HEMK2: variants seen among roughly 807,000 people sequenced by gnomAD.
The protein encoded by HEMK2 is HemK methyltransferase 2, ETF1 glutamine and histone H4 lysine, also known as methyltransferase HEMK2.
the HEMK2 span, among the ~76,000 whole-genome samples, chr21:28,862,645 C>CA: frequency 3.6e-3 from 366 of 100,402 alleles, 12 homozygotes; most frequent in Admixed American, 6.5e-3. Flanking sequence ...GACTCCGTCT[C>CA]AAAAAAAAAA....
At chr21:28,670,897 C>T in the HEMK2 span, 1 of 152,196 alleles carries the variant, frequency 6.6e-6, no homozygotes. Context: ...AGGAACCACC[C>T]TCATGATCCA....
chr21:28,797,466 C>CA, the HEMK2 span, among the ~76,000 whole-genome samples: 3 of 114,904 alleles, frequency 2.6e-5, no homozygotes, highest in Admixed American at 1.8e-4. Flanking sequence ...AAAAAACAAA[C>CA]AAAAAAACAA....
chr21:28,776,613 G>A, the HEMK2 span, among the ~76,000 whole-genome samples: 495 of 152,342 alleles, frequency 3.2e-3, 4 homozygotes, highest in African/African-American at 0.011. Context: ...CCATCTGCAA[G>A]CTGAGGAGAA....
the HEMK2 span, among the ~76,000 whole-genome samples, chr21:28,824,411 G>T: frequency 6.6e-6 from 1 of 152,176 alleles, no homozygotes; most frequent in African/African-American, 2.4e-5. Context: ...AAGTGTGTGT[G>T]TATGAGTTTG....
At chr21:28,798,680 AAT>A in the HEMK2 span, among the ~76,000 whole-genome samples, 1 of 152,160 alleles carries the variant, frequency 6.6e-6, no homozygotes, top group East Asian at 1.9e-4. Flanking sequence ...GCTGTCAATT[AAT>A]AGAGATGAAT....
the HEMK2 span, among the ~76,000 whole-genome samples, chr21:28,828,622 C>T: frequency 6.6e-6 from 1 of 152,188 alleles, no homozygotes; most frequent in South Asian, 2.1e-4. Flanking sequence ...GCTTAGGTAG[C>T]CCTTCGACTG....
At chr21:28,692,829 A>G in the HEMK2 span, among the ~76,000 whole-genome samples, 1 of 152,224 alleles carries the variant, frequency 6.6e-6, no homozygotes, top group Non-Finnish European at 1.5e-5. Flanking sequence ...AATAAAATGG[A>G]AAAAAGTATA....
chr21:28,698,585 G>A, the HEMK2 span, among the ~76,000 whole-genome samples: 46 of 152,168 alleles, frequency 3.0e-4, no homozygotes, highest in South Asian at 9.3e-3. Flanking sequence ...ATGAAAATGT[G>A]TAACTAATAC....
chr21:28,786,101 C>A, the HEMK2 span, among the ~76,000 whole-genome samples: 8 of 152,162 alleles, frequency 5.3e-5, no homozygotes, highest in Non-Finnish European at 7.4e-5. Flanking sequence ...TGACTAGATG[C>A]TTGTTAAATG....
chr21:28,651,286 TA>T, the HEMK2 span, among the ~76,000 whole-genome samples: 1 of 152,178 alleles, frequency 6.6e-6, no homozygotes, highest in Non-Finnish European at 1.5e-5. Context: ...ATAAAGAATG[TA>T]GCAATTTAAT....
At chr21:28,672,590 G>A in the HEMK2 span, among the ~76,000 whole-genome samples, 3 of 152,176 alleles carry the variant, frequency 2.0e-5, no homozygotes, top group Non-Finnish European at 4.4e-5. Flanking sequence ...CTCTCCAGGA[G>A]GTGGTCTTTC....
chr21:28,774,940 G>C, the HEMK2 span, among the ~76,000 whole-genome samples: 1 of 152,060 alleles, frequency 6.6e-6, no homozygotes, highest in Admixed American at 6.6e-5. Context: ...ATAATTTCAT[G>C]AGGAAAACCT....
chr21:28,682,705 T>C, the HEMK2 span, among the ~76,000 whole-genome samples: 481 of 152,250 alleles, frequency 3.2e-3, 1 homozygote, highest in African/African-American at 0.011. Flanking sequence ...ATATACACCA[T>C]GGAATACTAT....
chr21:28,623,337 G>A, the HEMK2 span, among the ~76,000 whole-genome samples: 32 of 152,322 alleles, frequency 2.1e-4, no homozygotes, highest in African/African-American at 7.7e-4. Flanking sequence ...GGAAACAACA[G>A]ATGCTGGAGA....
chr21:28,765,107 G>C, the HEMK2 span, among the ~76,000 whole-genome samples: 1 of 152,016 alleles, frequency 6.6e-6, no homozygotes, highest in African/African-American at 2.4e-5. Flanking sequence ...CACCCTTATG[G>C]CCTCTGAGGG....
chr21:28,657,511 C>G, the HEMK2 span, among the ~76,000 whole-genome samples: 1 of 152,026 alleles, frequency 6.6e-6, no homozygotes, highest in Non-Finnish European at 1.5e-5. Context: ...CTCAATTATC[C>G]TACCAGAAAA....
chr21:28,782,925 A>T, the HEMK2 span, among the ~76,000 whole-genome samples: 1 of 152,214 alleles, frequency 6.6e-6, no homozygotes, highest in Non-Finnish European at 1.5e-5. Flanking sequence ...CTATAAATTA[A>T]ATTAACAGTT....
At chr21:28,653,684 A>T in the HEMK2 span, among the ~76,000 whole-genome samples, 1 of 152,170 alleles carries the variant, frequency 6.6e-6, no homozygotes, top group African/African-American at 2.4e-5. Context: ...AGAATAAATA[A>T]ATGAAAGCAT....
the HEMK2 span, among the ~76,000 whole-genome samples, chr21:28,763,115 A>T: frequency 2.0e-5 from 3 of 152,136 alleles, no homozygotes; most frequent in South Asian, 2.1e-4. Context: ...CACCAATGGG[A>T]CACCCTTGCT....
Sources: gnomAD v4.1 joint callset for allele counts (sites outside exome capture counted in the v4.1 genomes callset) on GRCh38, gnomAD v4.1.1 for gene constraint, MANE v1.5 for transcripts, NCBI Gene and HGNC (gene_info 2026-07-23, HGNC 2026-07-21) for gene names.